The following RAB15 variants were observed in gnomAD, a reference collection of about 807,000 sequenced individuals.
RAB15 encodes RAB15, member RAS oncogene family.
Under a neutral mutation model 31.8 loss-of-function variants are expected in RAB15, and 13 were observed. The ratio of observed to expected loss-of-function variants is 0.41; its 90% CI spans 0.27 to 0.65. The LOEUF is 0.65. RAB15 is among the 30% of genes least tolerant of loss of function. The pLI is 0.32. For missense variants in RAB15, 220 were observed against 277.3 expected (o/e 0.79, Z 1.47); for synonymous variants, 100 against 105.6 (o/e 0.95, Z 0.33).
Position 64,972,059 on chromosome 14 carries a change from A to T in RAB15, c.18T>A (p.Asp6Glu). The T allele has an allele frequency of 6.2e-7, 1 of 1,609,620 alleles. No homozygotes were observed. The highest frequency in any genetic ancestry group is 8.5e-7 in the Non-Finnish European group (1 of 1,178,452). MAKQYDVLFRLLLIGD... is the reference protein window; with the variant it reads MAKQYEVLFRLLLIGD... ...CGATCAGCAGCAGCCGGAACAGCAC[A>T]TCGTACTGCTTCGCCATGACTGGGG... Residue 6 changes from aspartate (D) to glutamate (E), a missense_variant, in exon 1 of 7, where the codon GAT becomes GAA. Physicochemically the swap from Asp to Glu is conservative, Grantham distance 45. Transcript: ENST00000533601. The surrounding 1 kb of genome is among the most constrained non-coding windows in gnomAD (Gnocchi z 6.3).
chr14:64,965,040 G>A (rs184425794), intron 1 of RAB15, among the ~76,000 whole-genome samples: 44 of 152,260 alleles, frequency 2.9e-4, no homozygotes, highest in Non-Finnish European at 5.0e-4. Flanking sequence ...CCAACTCTTG[G>A]GCTCAAGCAA....
rs1885960753 is a variant in RAB15 at position 64,947,036 on chromosome 14, C to G, written c.*1318G>C. On this transcript the variant is annotated 3_prime_UTR_variant, in exon 7 of 7. Coordinates refer to ENST00000533601, the MANE Select transcript of RAB15 (RefSeq NM_001308154.2). This position sits in a 1 kb window ranked among gnomAD's most constrained non-coding sequence, Gnocchi z 5.6. ...GTAGAGGGCAAGATGAGCGCTTTGT[C>G]TTAAAGGCCAAAGAGAACAGCACCA... 6.6e-6 allele frequency: 1 copy of G among 152,628 alleles called. No individual in the cohort carries two copies. The highest frequency in any genetic ancestry group is 2.4e-5 in the African/African-American group (1 of 41,438). 9.5% of individuals were successfully genotyped at this position (152,628 alleles called of 1,614,324 possible).
In RAB15 at chr14:64,951,503, A is replaced by G; in HGVS notation, c.246+100T>C. 9.1e-7 allele frequency: 1 copy of G among 1,099,090 alleles called. No homozygotes were observed. The highest frequency in any genetic ancestry group is 1.4e-6 in the Non-Finnish European group (1 of 709,380). The allele number at this position is 1,099,090 out of a possible 1,614,324, so 68.1% of individuals were successfully genotyped here. A position where few individuals can be genotyped will look rare whatever the true frequency, so the allele number is the denominator to read the frequency against. On this transcript the variant is annotated intron_variant, in intron 3 of 6. Transcript: ENST00000533601. The surrounding 1 kb of genome is among the most constrained non-coding windows in gnomAD (Gnocchi z 7.2). ...GCCCTGCGCTCCTCCAAGCAGGCGA[A>G]CTGTATTTAGGGGATCCGTGGCACA...
At position 64,953,788 on chromosome 14, in the gene RAB15, G is replaced by A. The variant is rs767854783; in HGVS notation, c.125-1217C>T. The A allele has an allele frequency of 1.5e-5, 15 of 985,288 alleles. No individual in the cohort carries two copies. The highest frequency in any genetic ancestry group is 1.1e-4 in the East Asian group (1 of 8,812). The allele number at this position is 985,288 out of a possible 1,614,324, so 61.0% of individuals were successfully genotyped here. A position where few individuals can be genotyped will look rare whatever the true frequency, so the allele number is the denominator to read the frequency against. On this transcript the variant is annotated intron_variant, in intron 1 of 6. Transcript: ENST00000533601. The surrounding 1 kb of genome is among the most constrained non-coding windows in gnomAD (Gnocchi z 4.6). ...CGTCTGGTGGGTTAATTAAGCTTAC[G>A]TCTTTGTGTACTCCCTGGAGCAAGG... is the stretch of plus-strand genomic sequence containing the variant.
chr14:64,958,826 C>T lies in RAB15; in HGVS notation c.125-6255G>A, dbSNP rs1204347006. On this transcript the variant is annotated intron_variant, in intron 1 of 6. Transcript: ENST00000533601. The surrounding 1 kb of genome is among the most constrained non-coding windows in gnomAD (Gnocchi z 4.4). ...CAGGTGCCCAAAGCACGGAGAGCAG[C>T]TCATTGTTTTTCCCGGCACATTAGA... Among the ~76,000 whole-genome samples the T allele has an allele frequency of 1.3e-5, 2 of 152,186 alleles. No individual in the cohort carries two copies. The highest frequency in any genetic ancestry group is 1.3e-4 in the Admixed American group (2 of 15,280).
Position 64,972,195 on chromosome 14 carries a change from C to A in RAB15, c.-119G>T, listed in dbSNP as rs897487874. 1.8e-5 allele frequency: 14 copies of A among 780,890 alleles called. No homozygotes were observed. The Admixed American group carries it at 6.6e-4, about 37-fold the overall frequency. The allele number at this position is 780,890 out of a possible 1,614,324, so 48.4% of individuals were successfully genotyped here. A position where few individuals can be genotyped will look rare whatever the true frequency, so the allele number is the denominator to read the frequency against. On this transcript the variant is annotated 5_prime_UTR_variant, in exon 1 of 7. Transcript: ENST00000533601. This position sits in a 1 kb window ranked among gnomAD's most constrained non-coding sequence, Gnocchi z 6.3. ...TGCGGGCGGCGAGGAGGACGCCGGG[C>A]CCGGCCCCCGCGGCTGCCTCGCCCG...
chr14:64,954,321 G>A lies in RAB15; in HGVS notation c.125-1750C>T. On this transcript the variant is annotated intron_variant, in intron 1 of 6. Transcript: ENST00000533601. This position sits in a 1 kb window ranked among gnomAD's most constrained non-coding sequence, Gnocchi z 4.3. ...ATGCTTATTTCTGCCTGGATCAACG[G>A]TTATCAGGCACCTGTTTCTCCCCAG... 1 of 985,370 alleles carries A rather than the reference G, an allele frequency of 1.0e-6. No individual in the cohort carries two copies. The highest frequency in any genetic ancestry group is 1.2e-6 in the Non-Finnish European group (1 of 829,904). 61.0% of individuals were successfully genotyped at this position (985,370 alleles called of 1,614,324 possible).
chr14:64,972,030 TC>T lies in RAB15; in HGVS notation c.46del (p.Asp16ThrfsTer32). 1 of 1,609,666 alleles carries T rather than the reference TC, an allele frequency of 6.2e-7. No homozygotes were observed. The highest frequency in any genetic ancestry group is 8.5e-7 in the Non-Finnish European group (1 of 1,178,418). ...DVLFRLLLIG[D>X]SGVGKTCLLC... ...CAGGCAGGTCTTGCCCACCCCGGAG[TC>T]CCCGATCAGCAGCAGCCGGAACAGC... On this transcript the variant is annotated frameshift_variant, in exon 1 of 7. Transcript: ENST00000533601. LOFTEE classifies it high-confidence loss of function. The surrounding 1 kb of genome is among the most constrained non-coding windows in gnomAD (Gnocchi z 6.3).
intron 1 of RAB15, among the ~76,000 whole-genome samples, chr14:64,967,087 G>C (rs551846000): frequency 6.8e-6 from 1 of 147,510 alleles, no homozygotes; most frequent in East Asian, 2.1e-4. Flanking sequence ...AGCCAAGCCA[G>C]TCCCAGCAGA....
In RAB15 at chr14:64,955,295, A is replaced by C. The variant is rs1213625073; in HGVS notation, c.125-2724T>G. Among the ~76,000 whole-genome samples the C allele has an allele frequency of 6.6e-6, 1 of 152,124 alleles. No homozygotes were observed. Among genetic ancestry groups the C allele is most frequent in the Non-Finnish European group, 1.5e-5 (1 of 68,012 alleles). On this transcript the variant is annotated intron_variant, in intron 1 of 6. Transcript: ENST00000533601. The surrounding 1 kb of genome is among the most constrained non-coding windows in gnomAD (Gnocchi z 4.4). Reference sequence around the variant, plus strand: ...AAAGGTTAACAGCCCAAGGATCTTCAAGAGGAATCTATTGCTTCTGCGCTC... The same window carrying C: ...AAAGGTTAACAGCCCAAGGATCTTCCAGAGGAATCTATTGCTTCTGCGCTC...
rs983098362 is a variant in RAB15 at position 64,950,963 on chromosome 14, C to T, written c.324+111G>A. 3.7e-6 allele frequency: 6 copies of T among 1,613,304 alleles called. No homozygotes were observed. The Admixed American group carries it at 6.7e-5, about 18-fold the overall frequency. On this transcript the variant is annotated intron_variant, in intron 4 of 6. Transcript: ENST00000533601. This position sits in a 1 kb window ranked among gnomAD's most constrained non-coding sequence, Gnocchi z 5.6. Reference sequence around the variant, plus strand: ...CTCACCCAGAGGTCTTCATCCAGGGCTGTGGAAGGCAAAGCTTCCTGGAAG... The same window carrying T: ...CTCACCCAGAGGTCTTCATCCAGGGTTGTGGAAGGCAAAGCTTCCTGGAAG...
chr14:64,968,935 T>A lies in RAB15; in HGVS notation c.124+3018A>T, dbSNP rs1887280750. Among the ~76,000 whole-genome samples, 1 of 152,316 alleles carries A rather than the reference T, an allele frequency of 6.6e-6. No homozygotes were observed. The highest frequency in any genetic ancestry group is 2.1e-4 in the South Asian group (1 of 4,824). On this transcript the variant is annotated intron_variant, in intron 1 of 6. Coordinates refer to ENST00000533601, the MANE Select transcript of RAB15 (RefSeq NM_001308154.2). This position sits in a 1 kb window ranked among gnomAD's most constrained non-coding sequence, Gnocchi z 4.9. ...TGTCTCAGTCTACCAGGGAGGCCTC[T>A]CACTGCTCCCTGGCGGGTTCTTCTC...
intron 1 of RAB15, among the ~76,000 whole-genome samples, chr14:64,960,838 A>G (rs1270450289): frequency 6.6e-6 from 1 of 152,164 alleles, no homozygotes; most frequent in Non-Finnish European, 1.5e-5. Flanking sequence ...CTTGGCTGGA[A>G]TGTTTCAACA....
chr14:64,950,467 T>G lies in RAB15; in HGVS notation c.325-53A>C. ...CAGTGAGTGCTGCCTGCCCCCCCAA[T>G]TTTCCCTACAGAGTCTGCACTGCCT... On this transcript the variant is annotated intron_variant, in intron 4 of 6. Coordinates refer to ENST00000533601, the MANE Select transcript of RAB15 (RefSeq NM_001308154.2). The surrounding 1 kb of genome is among the most constrained non-coding windows in gnomAD (Gnocchi z 5.6). The G allele has an allele frequency of 6.9e-7, 1 of 1,454,372 alleles. No homozygotes were observed. The highest frequency in any genetic ancestry group is 9.6e-7 in the Non-Finnish European group (1 of 1,037,616). 90.1% of individuals were successfully genotyped at this position (1,454,372 alleles called of 1,614,324 possible).
Position 64,950,457 on chromosome 14 carries a change from G to GC in RAB15, c.325-44dup, listed in dbSNP as rs770198698. ...GCAGAACAGCCAGTGAGTGCTGCCT[G>GC]CCCCCCCAATTTTCCCTACAGAGTC... On this transcript the variant is annotated intron_variant, in intron 4 of 6. Transcript: ENST00000533601. This position sits in a 1 kb window ranked among gnomAD's most constrained non-coding sequence, Gnocchi z 5.6. 4.7e-5 allele frequency: 71 copies of GC among 1,504,904 alleles called. No homozygotes were observed. The highest frequency in any genetic ancestry group is 1.8e-4 in the Middle Eastern group (1 of 5,498). 93.2% of individuals were successfully genotyped at this position (1,504,904 alleles called of 1,614,324 possible).
intron 1 of RAB15, among the ~76,000 whole-genome samples, chr14:64,961,333 C>A (rs1426233018): frequency 6.6e-6 from 1 of 152,200 alleles, no homozygotes; most frequent in Non-Finnish European, 1.5e-5. Flanking sequence ...CCAAAAAAGA[C>A]CCCATTCACA....
rs542053438 is a variant in RAB15, at chr14:64,970,299, C to G, written c.124+1654G>C. Among the ~76,000 whole-genome samples, 45 of 152,352 alleles carry G rather than the reference C, an allele frequency of 3.0e-4. No individual in the cohort carries two copies. Among genetic ancestry groups the G allele is most frequent in the Admixed American group, 1.8e-3 (27 of 15,308 alleles). On this transcript the variant is annotated intron_variant, in intron 1 of 6. Transcript: ENST00000533601. The surrounding 1 kb of genome is among the most constrained non-coding windows in gnomAD (Gnocchi z 4.1). Reference sequence around the variant, plus strand: ...ACCTGTCCTCATACACCATCTGGTTCCTCTGCCACTTCCTCCATCACGCCC... The same window carrying G: ...ACCTGTCCTCATACACCATCTGGTTGCTCTGCCACTTCCTCCATCACGCCC...
chr14:64,967,138 G>A (rs973050013), intron 1 of RAB15, among the ~76,000 whole-genome samples: 10 of 151,988 alleles, frequency 6.6e-5, no homozygotes, highest in Admixed American at 6.6e-4. Context: ...AACCCAGCCT[G>A]AGAAAGTGCC....
chr14:64,968,878 AAGAC>A lies in RAB15; in HGVS notation c.124+3071_124+3074del, dbSNP rs1370785548. On this transcript the variant is annotated intron_variant, in intron 1 of 6. Coordinates refer to ENST00000533601, the MANE Select transcript of RAB15 (RefSeq NM_001308154.2). This position sits in a 1 kb window ranked among gnomAD's most constrained non-coding sequence, Gnocchi z 4.9. Reference sequence around the variant, plus strand: ...GCCACCTGCTGGTCTGCTGGCCAGAAAGACGAAAAGGATAGGGGGAGGGACAGTC... The same window carrying A: ...GCCACCTGCTGGTCTGCTGGCCAGAAGAAAAGGATAGGGGGAGGGACAGTC... 2.6e-5 allele frequency among the ~76,000 whole-genome samples: 4 copies of A among 152,216 alleles called. No homozygotes were observed. Among genetic ancestry groups the A allele is most frequent in the African/African-American group, 9.6e-5 (4 of 41,456 alleles).
Sources: allele counts gnomAD v4.1 joint callset (sites outside exome capture counted in the v4.1 genomes callset), GRCh38; gene constraint gnomAD v4.1.1; non-coding constraint Gnocchi (gnomAD v3.1); transcripts MANE v1.5; gene names NCBI Gene and HGNC (gene_info 2026-07-23, HGNC 2026-07-21).